Variants in VAV3 observed in about 807,000 individuals in gnomAD.
VAV3 encodes guanine nucleotide exchange factor VAV3.
A neutral mutation model predicts 131.2 loss-of-function variants in VAV3; 94 were observed. The observed-to-expected ratio is 0.72, with a 90% confidence interval of 0.61 to 0.85. The LOEUF is 0.85. VAV3 is among the 40% of genes least tolerant of loss of function. The pLI, the probability that VAV3 is intolerant of heterozygous loss-of-function variation, is 0.00. For missense variants in VAV3, 939 were observed against 1,002.7 expected, an observed-to-expected ratio of 0.94 and a Z score of 0.86; for synonymous variants, 349 against 342.0, an observed-to-expected ratio of 1.02 and a Z score of -0.22.
At chr1:107,804,022 C>T (rs1384742591) in intron 2 of VAV3, among the ~76,000 whole-genome samples, 1 of 151,994 alleles carries the variant, frequency 6.6e-6, no homozygotes, top group Non-Finnish European at 1.5e-5. Flanking sequence ...AGTCTAAAGT[C>T]TTTGACTAAT....
chr1:107,578,836 A>G (rs763991453), intron 25 of VAV3: 35 of 984,940 alleles, frequency 3.6e-5, no homozygotes, highest in Non-Finnish European at 3.9e-5. Context: ...AAAATTTTCA[A>G]TGAAGGTAAT....
In VAV3 at chr1:107,923,423, G is replaced by A. The variant is rs906737903; in HGVS notation, c.204+41243C>T. Reference sequence around the variant, plus strand: ...AGGAGGTGATTAGGTCATACGAACAGAGCCTTCATGAATGAAATTAGTGAC... The same window carrying A: ...AGGAGGTGATTAGGTCATACGAACAAAGCCTTCATGAATGAAATTAGTGAC... On this transcript the variant is annotated intron_variant, in intron 1 of 26. Coordinates refer to ENST00000370056, the MANE Select transcript of VAV3 (RefSeq NM_006113.5). Among the ~76,000 whole-genome samples, 3 of 152,124 alleles carry A rather than the reference G, an allele frequency of 2.0e-5. No homozygotes were observed. The South Asian group carries it at 6.2e-4, about 31-fold the overall frequency.
chr1:107,942,876 A>G lies in VAV3; in HGVS notation c.204+21790T>C, dbSNP rs116556955. On this transcript the variant is annotated intron_variant, in intron 1 of 26. Transcript: ENST00000370056. Reference sequence around the variant, plus strand: ...TCCTTTTTATCTGCTAAATAACAAAATCCAACATCTTTTACAGCTACAGTT... The same window carrying G: ...TCCTTTTTATCTGCTAAATAACAAAGTCCAACATCTTTTACAGCTACAGTT... Among the ~76,000 whole-genome samples the G allele has an allele frequency of 3.6e-3, 554 of 152,358 alleles. 6 individuals are homozygous for G. The highest frequency in any genetic ancestry group is 0.013 in the African/African-American group (526 of 41,586).
intron 4 of VAV3, among the ~76,000 whole-genome samples, chr1:107,773,550 A>G (rs1440444796): frequency 6.6e-6 from 1 of 152,186 alleles, no homozygotes; most frequent in Non-Finnish European, 1.5e-5. Flanking sequence ...CAGGGCCATA[A>G]CTAACATAAA....
intron 19 of VAV3, among the ~76,000 whole-genome samples, chr1:107,649,884 G>A (rs1266754064): frequency 1.3e-5 from 2 of 151,990 alleles, no homozygotes; most frequent in African/African-American, 4.8e-5. Context: ...TTTTAGTGGA[G>A]GAGACAAACA....
intron 1 of VAV3, among the ~76,000 whole-genome samples, chr1:107,956,637 T>C (rs1296785966): frequency 6.6e-6 from 1 of 152,132 alleles, no homozygotes; most frequent in Non-Finnish European, 1.5e-5. Flanking sequence ...TTTGAAATTG[T>C]AGGACCCGTA....
At chr1:107,671,782 AAAAC>A (rs770479592) in intron 19 of VAV3, among the ~76,000 whole-genome samples, 2 of 151,962 alleles carry the variant, frequency 1.3e-5, no homozygotes, top group Non-Finnish European at 2.9e-5. Flanking sequence ...TTTACCAAAA[AAAAC>A]AAAACAAAAC....
At chr1:107,652,647 AATTTGTATGATAAAC>A (rs1357408803) in intron 19 of VAV3, among the ~76,000 whole-genome samples, 1 of 152,100 alleles carries the variant, frequency 6.6e-6, no homozygotes, top group African/African-American at 2.4e-5. Context: ...ATATTGCCTA[AATTTGTATGATAAAC>A]ATTTATTTTC....
At chr1:107,680,478 ATACT>A (rs1658525110) in intron 19 of VAV3, among the ~76,000 whole-genome samples, 1 of 152,132 alleles carries the variant, frequency 6.6e-6, no homozygotes, top group African/African-American at 2.4e-5. Flanking sequence ...AGTAATTGCT[ATACT>A]TAGCATTTAC....
intron 2 of VAV3, among the ~76,000 whole-genome samples, chr1:107,872,353 A>G (rs1670293740): frequency 6.6e-6 from 1 of 152,210 alleles, no homozygotes; most frequent in Non-Finnish European, 1.5e-5. Context: ...TTTGGCAAAA[A>G]GATGCCAAAT....
At chr1:107,952,170 A>G (rs1674571161) in intron 1 of VAV3, among the ~76,000 whole-genome samples, 1 of 152,058 alleles carries the variant, frequency 6.6e-6, no homozygotes. Flanking sequence ...AGACATGGAT[A>G]GCGCTGGAGG....
intron 19 of VAV3, among the ~76,000 whole-genome samples, chr1:107,683,284 G>C (rs1403037880): frequency 6.6e-6 from 1 of 152,196 alleles, no homozygotes; most frequent in Non-Finnish European, 1.5e-5. Context: ...GCTGACTGTG[G>C]AAAGAGTGCA....
In VAV3 at chr1:107,836,148, A is replaced by G. The variant is rs574399599; in HGVS notation, c.321+38753T>C. On this transcript the variant is annotated intron_variant, in intron 2 of 26. Transcript: ENST00000370056. ...GAGGCAGAAACCTAACAAAGAAATTATGGACTTAAACTTAACACTTGACAA... is the reference window on the plus strand; with the variant it reads ...GAGGCAGAAACCTAACAAAGAAATTGTGGACTTAAACTTAACACTTGACAA... Among the ~76,000 whole-genome samples the G allele has an allele frequency of 1.3e-4, 20 of 152,330 alleles. No homozygotes were observed. The South Asian group carries it at 3.1e-3, about 24-fold the overall frequency.
chr1:107,635,514 A>C (rs962007826), intron 20 of VAV3, among the ~76,000 whole-genome samples: 1 of 151,802 alleles, frequency 6.6e-6, no homozygotes, highest in Non-Finnish European at 1.5e-5. Flanking sequence ...AAATACACCT[A>C]ATGTTAAATG....
chr1:107,951,100 G>A (rs1674511823), intron 1 of VAV3, among the ~76,000 whole-genome samples: 1 of 140,404 alleles, frequency 7.1e-6, no homozygotes, highest in Non-Finnish European at 1.5e-5. Context: ...GTTATTAAGG[G>A]TCCTACATCA....
At chr1:107,859,282 GCT>G (rs1027214884) in intron 2 of VAV3, among the ~76,000 whole-genome samples, 1 of 151,916 alleles carries the variant, frequency 6.6e-6, no homozygotes, top group Non-Finnish European at 1.5e-5. Context: ...TGTTACCCAG[GCT>G]GGTCTTGAAC....
rs183575077 is a variant in VAV3, at chr1:107,794,204, A to G, written c.322-14712T>C. ...AAGTTGGCTGCCCTGAACTGGTATCAGGCAAGATCCACAAATCTGGGCTGG... is the reference window on the plus strand; with the variant it reads ...AAGTTGGCTGCCCTGAACTGGTATCGGGCAAGATCCACAAATCTGGGCTGG... On this transcript the variant is annotated intron_variant, in intron 2 of 26. Transcript: ENST00000370056. Among the ~76,000 whole-genome samples, 20 of 152,372 alleles carry G rather than the reference A, an allele frequency of 1.3e-4. No homozygotes were observed. The East Asian group carries it at 3.7e-3, about 28-fold the overall frequency.
chr1:107,696,728 A>C (rs1386341757), intron 17 of VAV3, among the ~76,000 whole-genome samples: 1 of 152,154 alleles, frequency 6.6e-6, no homozygotes, highest in African/African-American at 2.4e-5. Context: ...CCTTGCTTTC[A>C]ATTTGGCTGT....
At chr1:107,585,591 C>A (rs1369441082) in intron 25 of VAV3, among the ~76,000 whole-genome samples, 1 of 152,092 alleles carries the variant, frequency 6.6e-6, no homozygotes, top group African/African-American at 2.4e-5. Flanking sequence ...CAGACATACC[C>A]CTCCCTTAGC....
Sources: allele counts gnomAD v4.1 joint callset (sites outside exome capture counted in the v4.1 genomes callset), GRCh38; gene constraint gnomAD v4.1.1; transcripts MANE v1.5; gene names NCBI Gene and HGNC (gene_info 2026-07-23, HGNC 2026-07-21).